Variants in RUNX1 observed in about 807,000 individuals in gnomAD.
RUNX1 encodes the protein RUNX family transcription factor 1.
RUNX1 carries 19 observed loss-of-function variants against 42.8 expected under a neutral mutation model. The ratio of observed to expected loss-of-function variants is 0.44; its 90% confidence interval spans 0.31 to 0.65. The LOEUF is 0.65. Ranked by LOEUF, RUNX1 falls within the 30% of genes least tolerant of loss-of-function variation. The pLI is 0.07. For missense variants in RUNX1, 528 were observed against 672.0 expected, an observed-to-expected ratio of 0.79 and a Z score of 2.37; for synonymous variants, 271 against 289.4, an observed-to-expected ratio of 0.94 and a Z score of 0.64.
chr21:34,972,576 G>T (rs967991164), intron 2 of RUNX1, among the ~76,000 whole-genome samples: 1 of 152,120 alleles, frequency 6.6e-6, no homozygotes, highest in African/African-American at 2.4e-5. Context: ...AAAGACATTT[G>T]CTATTTGATA....
In RUNX1 at chr21:34,834,521, G is replaced by T; in HGVS notation, c.694C>A (p.Arg232=). The change falls in exon 7 of 9, where the codon CGG becomes AGG. Residue 232 remains arginine (R), a synonymous_variant. Transcript: ENST00000675419. The part of the protein sequence containing the change: ...SERLSELEQL[R]RTAMRVSPHH... ...GGGCTGACCCTCATGGCTGTGCGCC[G>T]CAGCTGCTCCAGTTCACTGAGCCGC... 6.2e-7 allele frequency: 1 copy of T among 1,613,152 alleles called. No individual in the cohort carries two copies. The highest frequency in any genetic ancestry group is 8.5e-7 in the Non-Finnish European group (1 of 1,179,960).
At position 34,790,547 on chromosome 21, in the gene RUNX1, CATTGGATACCTT is replaced by C. The variant is rs2056421107; in HGVS notation, c.*1576_*1587del. The stretch of plus-strand genomic sequence containing the variant: ...AATAGTGCCATAAAATTTACAGCGA[CATTGGATACCTT>C]TGAATTGTAGCCACGGACAGTAGTG... On this transcript the variant is annotated 3_prime_UTR_variant, in exon 9 of 9. Transcript: ENST00000675419. 3 of 233,506 alleles carry C rather than the reference CATTGGATACCTT, an allele frequency of 1.3e-5. No individual in the cohort carries two copies. The East Asian group carries it at 1.8e-4, about 14-fold the overall frequency. 14.5% of individuals were successfully genotyped at this position (233,506 alleles called of 1,614,324 possible). A position where few individuals can be genotyped will look rare whatever the true frequency, so the allele number is the denominator to read the frequency against.
rs1297231112 is a variant in RUNX1 at position 34,930,299 on chromosome 21, T to TATATATAA, written c.59-37337_59-37336insTTATATAT. 2.4e-4 allele frequency among the ~76,000 whole-genome samples: 35 copies of TATATATAA among 143,704 alleles called. No individual in the cohort carries two copies. The East Asian group carries it at 5.6e-3, about 23-fold the overall frequency. 94.3% of individuals were successfully genotyped at this position (143,704 alleles called of 152,430 possible). A position where few individuals can be genotyped will look rare whatever the true frequency, so the allele number is the denominator to read the frequency against. On this transcript the variant is annotated intron_variant, in intron 2 of 8. Coordinates refer to ENST00000675419, the MANE Select transcript of RUNX1 (RefSeq NM_001754.5). ...ATATATATATATATATATAAATAAA[T>TATATATAA]AAATAAAATTTTACAACTAACATTA...
chr21:34,966,584 C>G (rs2058720089), intron 2 of RUNX1, among the ~76,000 whole-genome samples: 1 of 152,202 alleles, frequency 6.6e-6, no homozygotes, highest in South Asian at 2.1e-4. Flanking sequence ...CCATAAGTAT[C>G]TCACTCTGTC....
At chr21:34,889,978 A>C in intron 3 of RUNX1, 28 of 450,562 alleles carry the variant, frequency 6.2e-5, no homozygotes, top group South Asian at 9.2e-5. Context: ...CCCCTCAATT[A>C]AGCTCCCCGG....
At chr21:35,021,582 C>A (rs2146945166) in intron 2 of RUNX1, among the ~76,000 whole-genome samples, 1 of 152,246 alleles carries the variant, frequency 6.6e-6, no homozygotes, top group Non-Finnish European at 1.5e-5. Flanking sequence ...AGAAATAAAC[C>A]CCTGAAATCA....
chr21:34,817,573 A>G (rs1365892404), intron 7 of RUNX1, among the ~76,000 whole-genome samples: 1 of 152,134 alleles, frequency 6.6e-6, no homozygotes, highest in Non-Finnish European at 1.5e-5. Context: ...GTAAGAGCCT[A>G]CCTGATCACA....
chr21:35,028,923 G>A (rs911735072), intron 2 of RUNX1, among the ~76,000 whole-genome samples: 1 of 152,198 alleles, frequency 6.6e-6, no homozygotes, highest in Non-Finnish European at 1.5e-5. Flanking sequence ...AGACACAGAG[G>A]AAGTGGGAAA....
rs554140939 is a variant in RUNX1 at position 35,031,548 on chromosome 21, C to T, written c.58+17294G>A. On this transcript the variant is annotated intron_variant, in intron 2 of 8. Transcript: ENST00000675419. ...TCCAAAGGAAATGAAGTCAGTATGTCGAAGAGATATCTGCACTGTCATGTT... is the reference window on the plus strand; with the variant it reads ...TCCAAAGGAAATGAAGTCAGTATGTTGAAGAGATATCTGCACTGTCATGTT... 4.6e-5 allele frequency among the ~76,000 whole-genome samples: 7 copies of T among 151,810 alleles called. No individual in the cohort carries two copies. In the South Asian group the frequency reaches 1.5e-3, roughly 32 times the overall value.
chr21:34,802,491 A>G lies in RUNX1; in HGVS notation c.806-3029T>C, dbSNP rs76138521. Among the ~76,000 whole-genome samples the G allele has an allele frequency of 9.8e-3, 1,486 of 152,294 alleles. 26 individuals are homozygous for G. Among genetic ancestry groups the G allele is most frequent in the African/African-American group, 0.034 (1,405 of 41,556 alleles). On this transcript the variant is annotated intron_variant, in intron 7 of 8. Transcript: ENST00000675419. ...TGTTGCTTCATTCATTTATTCATTC[A>G]TGTGTTCATGAAATTACTTTTTCAT...
chr21:35,015,631 TC>T (rs1397004114), intron 2 of RUNX1, among the ~76,000 whole-genome samples: 5 of 152,132 alleles, frequency 3.3e-5, no homozygotes, highest in African/African-American at 1.2e-4. Flanking sequence ...CATGCGAAAG[TC>T]AATGGCCTAC....
Position 35,037,626 on chromosome 21 carries a change from G to A in RUNX1, c.58+11216C>T, listed in dbSNP as rs114874185. ...TGCAGGAACTGCCTCTGTTTGGACC[G>A]CACCTCCACCTTTCCCAGCAGCCTA... On this transcript the variant is annotated intron_variant, in intron 2 of 8. Transcript: ENST00000675419. Among the ~76,000 whole-genome samples, 328 of 152,264 alleles carry A rather than the reference G, an allele frequency of 2.2e-3. 4 individuals carry two copies. The highest frequency in any genetic ancestry group is 7.3e-3 in the African/African-American group (303 of 41,542).
At chr21:35,006,820 T>G (rs1248982192) in intron 2 of RUNX1, among the ~76,000 whole-genome samples, 1 of 152,168 alleles carries the variant, frequency 6.6e-6, no homozygotes, top group African/African-American at 2.4e-5. Flanking sequence ...CCAGAGCCTT[T>G]CTCTACCAGG....
chr21:34,872,960 C>T (rs1368335615), intron 5 of RUNX1, among the ~76,000 whole-genome samples: 1 of 152,130 alleles, frequency 6.6e-6, no homozygotes, highest in Admixed American at 6.5e-5. Context: ...TAATAAACTG[C>T]CCAGTGGTTT....
rs189557277 is a variant in RUNX1 at position 34,788,158 on chromosome 21, C to T, written c.*3977G>A. 53 of 233,436 alleles carry T rather than the reference C, an allele frequency of 2.3e-4. No individual in the cohort carries two copies. The East Asian group carries it at 2.8e-3, about 12-fold the overall frequency. 14.5% of individuals were successfully genotyped at this position (233,436 alleles called of 1,614,324 possible). ...TTTGTACCAGGGAGAAAGAAGCCCA[C>T]GCACGAATTTTCAGGATGTTTTGTG... On this transcript the variant is annotated 3_prime_UTR_variant, in exon 9 of 9. Transcript: ENST00000675419.
rs189309799 is a variant in RUNX1 at position 34,823,512 on chromosome 21, C to T, written c.805+10898G>A. 1.8e-4 allele frequency among the ~76,000 whole-genome samples: 25 copies of T among 140,180 alleles called. No homozygotes were observed. The East Asian group carries it at 3.7e-3, about 21-fold the overall frequency. The allele number at this position is 140,180 out of a possible 152,430, so 92.0% of individuals were successfully genotyped here. ...AGGCTAGAGTACAATGGCCTGATCT[C>T]GGCTCACTGCAACCTCTGCCTCCCA... On this transcript the variant is annotated intron_variant, in intron 7 of 8. Coordinates refer to ENST00000675419, the MANE Select transcript of RUNX1 (RefSeq NM_001754.5).
intron 7 of RUNX1, among the ~76,000 whole-genome samples, chr21:34,826,194 G>T (rs1295108037): frequency 2.0e-5 from 3 of 152,136 alleles, no homozygotes; most frequent in African/African-American, 7.2e-5. Flanking sequence ...CCTTTGCAGG[G>T]AGCAAACGGG....
intron 2 of RUNX1, among the ~76,000 whole-genome samples, chr21:34,983,729 A>T (rs552442493): frequency 6.6e-6 from 1 of 151,986 alleles, no homozygotes; most frequent in Non-Finnish European, 1.5e-5. Flanking sequence ...TTGTGGGGGG[A>T]AAATGGTTTG....
chr21:34,969,765 C>CAAAAAAAAAA (rs150978735), intron 2 of RUNX1, among the ~76,000 whole-genome samples: 2 of 124,730 alleles, frequency 1.6e-5, no homozygotes, highest in African/African-American at 6.1e-5. Context: ...TCAGTTAAAG[C>CAAAAAAAAAA]AAAAAAAAAA....
Sources: allele counts gnomAD v4.1 joint callset (sites outside exome capture counted in the v4.1 genomes callset), GRCh38; gene constraint gnomAD v4.1.1; transcripts MANE v1.5; gene names NCBI Gene and HGNC (gene_info 2026-07-23, HGNC 2026-07-21).